The following PMS1 variants were observed in gnomAD, a reference collection of about 807,000 sequenced individuals.
PMS1 encodes the protein PMS1 protein homolog 1.
Under a neutral mutation model 93.1 loss-of-function variants are expected in PMS1, and 79 were observed. The ratio of observed to expected loss-of-function variants is 0.85; its 90% CI spans 0.71 to 1.02. PMS1 has a LOEUF of 1.02. PMS1 is among the 50% of genes least tolerant of loss of function. The probability of loss-of-function intolerance (pLI) is 0.00; values close to 1 mark genes in which losing one functional copy is unlikely to be tolerated. For synonymous variants in PMS1, 335 were observed against 363.4 expected (o/e 0.92, Z 0.89); for missense variants, 1,064 against 1,085.3 (o/e 0.98, Z 0.28).
chr2:189,843,422 T>C (rs1424699647), intron 5 of PMS1, among the ~76,000 whole-genome samples: 5 of 152,216 alleles, frequency 3.3e-5, no homozygotes, highest in African/African-American at 9.6e-5. Flanking sequence ...AATTCTCTAT[T>C]TCAAAGGTAC....
At chr2:189,790,332 G>A (rs2048743031) in intron 1 of PMS1, among the ~76,000 whole-genome samples, 1 of 152,120 alleles carries the variant, frequency 6.6e-6, no homozygotes, top group Admixed American at 6.5e-5. Context: ...TTATCACTTG[G>A]TCATTCTCAG....
chr2:189,851,790 C>T (rs1369176931), intron 6 of PMS1, among the ~76,000 whole-genome samples: 5 of 152,020 alleles, frequency 3.3e-5, no homozygotes, highest in African/African-American at 1.2e-4. Context: ...AGATTTTAAG[C>T]CTATATTTTA....
chr2:189,831,890 C>A (rs146164230), intron 5 of PMS1, among the ~76,000 whole-genome samples: 1 of 151,928 alleles, frequency 6.6e-6, no homozygotes, highest in Non-Finnish European at 1.5e-5. Context: ...CAAGCAATTT[C>A]TGGTTATTTT....
intron 11 of PMS1, among the ~76,000 whole-genome samples, chr2:189,868,629 G>T (rs1025180973): frequency 6.6e-6 from 1 of 152,120 alleles, no homozygotes; most frequent in Non-Finnish European, 1.5e-5. Flanking sequence ...CTCCCTTCCT[G>T]CCTCTAAACT....
At chr2:189,848,237 A>G (rs1004643454) in intron 6 of PMS1, among the ~76,000 whole-genome samples, 1 of 152,174 alleles carries the variant, frequency 6.6e-6, no homozygotes, top group Non-Finnish European at 1.5e-5. Context: ...CTTTACCATC[A>G]TGCCCTGGAT....
chr2:189,792,709 A>G (rs2048987444), intron 2 of PMS1, among the ~76,000 whole-genome samples: 1 of 143,156 alleles, frequency 7.0e-6, no homozygotes, highest in Admixed American at 6.9e-5. Context: ...ATATATATAT[A>G]TATATATATA....
intron 9 of PMS1, among the ~76,000 whole-genome samples, chr2:189,860,270 T>A (rs2055815784): frequency 6.6e-6 from 1 of 152,190 alleles, no homozygotes; most frequent in African/African-American, 2.4e-5. Flanking sequence ...TGAGTTTTGT[T>A]ACACTAGTTT....
chr2:189,854,365 G>A lies in PMS1; in HGVS notation c.1093G>A (p.Glu365Lys), dbSNP rs2106460671. The A allele has an allele frequency of 1.4e-5, 22 of 1,601,732 alleles. No individual in the cohort carries two copies. The highest frequency in any genetic ancestry group is 1.8e-5 in the Non-Finnish European group (21 of 1,173,354). ...AADIVLSKTA[E>K]TDVLFNKVES... ...TGACATCGTTCTTAGTAAAACAGCA[G>A]AAACAGATGTGCTTTTTAATAAAGT... Residue 365 changes from glutamate (E) to lysine (K), a missense_variant, in exon 9 of 13, where the codon GAA becomes AAA. By Grantham distance (56) the Glu-to-Lys change is moderately conservative (BLOSUM62 1). Coordinates refer to ENST00000441310, the MANE Select transcript of PMS1 (RefSeq NM_000534.5).
intron 11 of PMS1, among the ~76,000 whole-genome samples, chr2:189,872,464 G>A (rs746533616): frequency 6.6e-6 from 1 of 151,906 alleles, no homozygotes; most frequent in Non-Finnish European, 1.5e-5. Context: ...GCATTATGTA[G>A]ACTTCATGAA....
chr2:189,840,114 T>C lies in PMS1; in HGVS notation c.583-3850T>C, dbSNP rs2053699701. On this transcript the variant is annotated intron_variant, in intron 5 of 12. Coordinates refer to ENST00000441310, the MANE Select transcript of PMS1 (RefSeq NM_000534.5). ...TTATACTTTGATTTCATATACTTGT[T>C]AAAAGAAAAACTTTAGATAAACTAA... is the stretch of plus-strand genomic sequence containing the variant. 2.0e-5 allele frequency among the ~76,000 whole-genome samples: 3 copies of C among 152,186 alleles called. No individual in the cohort carries two copies. In the South Asian group the frequency reaches 6.2e-4, roughly 31 times the overall value.
chr2:189,853,913 C>A, intron 7 of PMS1, 26 bp from the exon 8 acceptor site: 2 of 1,393,418 alleles, frequency 1.4e-6, no homozygotes, highest in Non-Finnish European at 2.0e-6. Context: ...ATTATTTTTT[C>A]TTTTATTTAT....
intron 1 of PMS1, chr2:189,785,539 G>A (rs2048229299): frequency 6.6e-6 from 1 of 152,220 alleles, no homozygotes; most frequent in African/African-American, 2.4e-5. Flanking sequence ...CAGGGGCTAT[G>A]CTAGCGATGT....
chr2:189,799,157 T>C (rs1446513710), intron 3 of PMS1, among the ~76,000 whole-genome samples: 2 of 152,210 alleles, frequency 1.3e-5, no homozygotes, highest in African/African-American at 4.8e-5. Context: ...ATAAAATAAT[T>C]TTGCTCATCA....
intron 1 of PMS1, chr2:189,785,296 T>C (rs149361353): frequency 6.6e-6 from 1 of 152,374 alleles, no homozygotes; most frequent in African/African-American, 2.4e-5. Flanking sequence ...TTTCTTTGTG[T>C]TCTCTCTAAT....
At chr2:189,790,583 C>T (rs577138200) in intron 1 of PMS1, among the ~76,000 whole-genome samples, 1 of 152,292 alleles carries the variant, frequency 6.6e-6, no homozygotes, top group East Asian at 1.9e-4. Context: ...CTTTCAGCCT[C>T]TTAAATGTCC....
intron 3 of PMS1, among the ~76,000 whole-genome samples, chr2:189,804,490 C>T (rs534204242): frequency 1.3e-5 from 2 of 152,192 alleles, no homozygotes; most frequent in South Asian, 2.1e-4. Context: ...CTTGACATAG[C>T]GCCCCTAGTA....
intron 9 of PMS1, among the ~76,000 whole-genome samples, chr2:189,858,624 T>C (rs1317834106): frequency 1.3e-5 from 2 of 152,136 alleles, no homozygotes; most frequent in African/African-American, 2.4e-5. Context: ...TGTTTTGAAC[T>C]CATTTTACCA....
At chr2:189,868,762 A>G (rs1173227494) in intron 11 of PMS1, among the ~76,000 whole-genome samples, 1 of 152,224 alleles carries the variant, frequency 6.6e-6, no homozygotes, top group African/African-American at 2.4e-5. Flanking sequence ...GGAGCTGGGT[A>G]TATACAGAAA....
chr2:189,870,344 C>CT (rs1416808059), intron 11 of PMS1, among the ~76,000 whole-genome samples: 1 of 152,120 alleles, frequency 6.6e-6, no homozygotes, highest in Non-Finnish European at 1.5e-5. Flanking sequence ...CAATGTGACT[C>CT]TAAGAACTTT....
Sources: allele counts gnomAD v4.1 joint callset (sites outside exome capture counted in the v4.1 genomes callset), GRCh38; gene constraint gnomAD v4.1.1; transcripts MANE v1.5; gene names NCBI Gene and HGNC (gene_info 2026-07-23, HGNC 2026-07-21).